FAM13A: variants seen among roughly 807,000 people sequenced by gnomAD.
FAM13A encodes protein FAM13A.
FAM13A carries 76 observed loss-of-function variants against 129.6 expected under a neutral mutation model. That is an observed-to-expected ratio of 0.59 (90% CI 0.49 to 0.71). The LOEUF (loss-of-function observed/expected upper bound fraction) is 0.71, where lower values mean the gene tolerates loss of function less well. FAM13A is among the 30% of genes least tolerant of loss of function. The probability of loss-of-function intolerance (pLI) is 0.00; values close to 1 mark genes in which losing one functional copy is unlikely to be tolerated. For missense variants in FAM13A, 1,108 were observed against 1,249.3 expected (o/e 0.89, Z 1.70); for synonymous variants, 443 against 449.9 (o/e 0.98, Z 0.20).
chr4:88,824,874 A>T (rs1390333781), intron 7 of FAM13A, among the ~76,000 whole-genome samples: 1 of 152,042 alleles, frequency 6.6e-6, no homozygotes, highest in East Asian at 1.9e-4. Context: ...TGACTGGCTA[A>T]TTTTTGTGGT....
chr4:88,806,171 G>A (rs1305176499), intron 7 of FAM13A, among the ~76,000 whole-genome samples: 1 of 151,560 alleles, frequency 6.6e-6, no homozygotes, highest in Non-Finnish European at 1.5e-5. Flanking sequence ...ATATATAACT[G>A]ATTAAATATA....
chr4:89,022,428 A>G (rs933929298), intron 2 of FAM13A, among the ~76,000 whole-genome samples: 6 of 152,212 alleles, frequency 3.9e-5, no homozygotes, highest in African/African-American at 1.4e-4. Context: ...AAGAAAATCA[A>G]TATCAAAAGT....
chr4:88,761,527 G>C (rs939559636), intron 13 of FAM13A, among the ~76,000 whole-genome samples: 1 of 152,148 alleles, frequency 6.6e-6, no homozygotes, highest in Non-Finnish European at 1.5e-5. Context: ...GTGGGCTGGA[G>C]GGGTGAGGGA....
intron 8 of FAM13A, among the ~76,000 whole-genome samples, chr4:88,804,576 A>C (rs1257463917): frequency 6.6e-6 from 1 of 152,108 alleles, no homozygotes; most frequent in Admixed American, 6.5e-5. Flanking sequence ...AACCCTATAA[A>C]CTTGCTGAAT....
chr4:88,890,686 A>C (rs1348240425), intron 6 of FAM13A, among the ~76,000 whole-genome samples: 1 of 152,328 alleles, frequency 6.6e-6, no homozygotes, highest in East Asian at 1.9e-4. Flanking sequence ...GGAAACAAAC[A>C]TACAGTAGAG....
At chr4:89,009,936 T>C (rs954561952) in intron 3 of FAM13A, among the ~76,000 whole-genome samples, 1 of 152,192 alleles carries the variant, frequency 6.6e-6, no homozygotes, top group Non-Finnish European at 1.5e-5. Context: ...GACGGCCCTT[T>C]TGAGCTACTG....
chr4:88,754,541 A>G (rs1219182486), intron 14 of FAM13A, among the ~76,000 whole-genome samples: 10 of 152,190 alleles, frequency 6.6e-5, no homozygotes, highest in African/African-American at 2.2e-4. Context: ...ATTTAGAGCC[A>G]TTACTCCTTG....
chr4:88,948,452 G>GGCAT (rs1756319690), intron 4 of FAM13A, among the ~76,000 whole-genome samples: 1 of 151,770 alleles, frequency 6.6e-6, no homozygotes, highest in African/African-American at 2.4e-5. Flanking sequence ...AACTAAAAGG[G>GGCAT]GCATGAAGGA....
At chr4:88,842,093 C>T (rs1335581739) in intron 7 of FAM13A, among the ~76,000 whole-genome samples, 2 of 152,230 alleles carry the variant, frequency 1.3e-5, no homozygotes, top group East Asian at 3.9e-4. Context: ...GAGTGAAGTA[C>T]TGATACATGC....
At chr4:88,944,550 C>T (rs1051152935) in intron 4 of FAM13A, among the ~76,000 whole-genome samples, 3 of 152,050 alleles carry the variant, frequency 2.0e-5, no homozygotes, top group Non-Finnish European at 4.4e-5. Flanking sequence ...ATATTAGATG[C>T]CGCAGGCAAA....
chr4:88,913,455 GAA>G (rs1749515942), intron 5 of FAM13A, among the ~76,000 whole-genome samples: 1 of 28,682 alleles, frequency 3.5e-5, no homozygotes, highest in Non-Finnish European at 8.5e-5. Context: ...GGAGGAGGAA[GAA>G]GAAGAAGAGG....
intron 6 of FAM13A, among the ~76,000 whole-genome samples, chr4:88,898,273 G>A (rs1277377561): frequency 2.0e-5 from 3 of 151,868 alleles, no homozygotes; most frequent in East Asian, 1.9e-4. Flanking sequence ...CAAATCCCAT[G>A]TTTTTTTCCC....
chr4:88,973,424 G>T (rs1003502722), intron 4 of FAM13A, among the ~76,000 whole-genome samples: 2 of 152,026 alleles, frequency 1.3e-5, no homozygotes, highest in Non-Finnish European at 2.9e-5. Flanking sequence ...CCTCAGCCAT[G>T]ACCAGCCTAC....
At chr4:88,933,056 C>T (rs1753300329) in intron 5 of FAM13A, among the ~76,000 whole-genome samples, 1 of 151,998 alleles carries the variant, frequency 6.6e-6, no homozygotes, top group Admixed American at 6.6e-5. Context: ...TTTCCCAGTC[C>T]AATGATATAC....
chr4:88,969,765 A>C (rs1759826982), intron 4 of FAM13A, among the ~76,000 whole-genome samples: 1 of 152,132 alleles, frequency 6.6e-6, no homozygotes, highest in Non-Finnish European at 1.5e-5. Flanking sequence ...TTATTACTTT[A>C]CTTATTACAG....
chr4:89,002,869 A>G (rs536182829), intron 3 of FAM13A, among the ~76,000 whole-genome samples: 204 of 152,354 alleles, frequency 1.3e-3, no homozygotes, highest in African/African-American at 4.7e-3. Context: ...AGAGGAATCA[A>G]AAGTGAGATT....
At chr4:88,821,275 T>C (rs1350373473) in intron 7 of FAM13A, among the ~76,000 whole-genome samples, 3 of 152,152 alleles carry the variant, frequency 2.0e-5, no homozygotes, top group Non-Finnish European at 4.4e-5. Flanking sequence ...TCAGTCAAAT[T>C]AAACTCTAAG....
chr4:89,057,088 C>A lies in FAM13A; in HGVS notation c.-124G>T, dbSNP rs1772286061. The A allele has an allele frequency of 6.6e-7, 1 of 1,519,998 alleles. No homozygotes were observed. The highest frequency in any genetic ancestry group is 1.4e-5 in the African/African-American group (1 of 71,810). 94.2% of individuals were successfully genotyped at this position (1,519,998 alleles called of 1,614,324 possible). A position where few individuals can be genotyped will look rare whatever the true frequency, so the allele number is the denominator to read the frequency against. On this transcript the variant is annotated 5_prime_UTR_variant, in exon 1 of 24. Transcript: ENST00000264344. The stretch of plus-strand genomic sequence containing the variant: ...TGAAAAACAGCTCCCAATGCAAAGG[C>A]CCCAAGGTAAGCGAAGAGCAGCTTC...
At chr4:88,904,118 C>T (rs535059336) in intron 6 of FAM13A, among the ~76,000 whole-genome samples, 51 of 152,170 alleles carry the variant, frequency 3.4e-4, no homozygotes, top group African/African-American at 1.1e-3. Flanking sequence ...CAAGAAAGAA[C>T]AGATGCTGAT....
Sources: gnomAD v4.1 joint callset for allele counts (sites outside exome capture counted in the v4.1 genomes callset) on GRCh38, gnomAD v4.1.1 for gene constraint, MANE v1.5 for transcripts, NCBI Gene and HGNC (gene_info 2026-07-23, HGNC 2026-07-21) for gene names.